The following ECT2 variants were observed in gnomAD, a reference collection of about 807,000 sequenced individuals.
ECT2 encodes the protein epithelial cell transforming 2.
In ECT2, 61 loss-of-function variants were observed where a neutral mutation model predicts 116.9. The observed-to-expected ratio is 0.52, with a 90% CI of 0.42 to 0.65. The LOEUF (loss-of-function observed/expected upper bound fraction) is 0.65. Ranked by LOEUF, ECT2 falls within the 30% of genes least tolerant of loss-of-function variation. The pLI is 0.00. For synonymous variants in ECT2, 358 were observed against 346.4 expected, an observed-to-expected ratio of 1.03 and a Z score of -0.37; for missense variants, 937 against 1,078.7, an observed-to-expected ratio of 0.87 and a Z score of 1.84.
Position 172,776,190 on chromosome 3 carries a change from A to C in ECT2, c.1548+2168A>C, listed in dbSNP as rs547273884. Among the ~76,000 whole-genome samples the C allele has an allele frequency of 1.2e-4, 14 of 113,532 alleles. No homozygotes were observed. The South Asian group carries it at 3.7e-3, about 30-fold the overall frequency. The allele number at this position is 113,532 out of a possible 152,430, so 74.5% of individuals were successfully genotyped here. A position where few individuals can be genotyped will look rare whatever the true frequency, so the allele number is the denominator to read the frequency against. ...ATGGTACTTCAACTATTAGTTTTTC[A>C]GTTTTTTCTTTTTTTTTTTTTTTTT... is the stretch of plus-strand genomic sequence containing the variant. On this transcript the variant is annotated intron_variant, in intron 14 of 24. Coordinates refer to ENST00000392692, the MANE Select transcript of ECT2 (RefSeq NM_001258315.2).
At chr3:172,783,973 T>A (rs1723165806) in intron 16 of ECT2, 64 bp downstream of exon 16, 2 of 1,138,004 alleles carry the variant, frequency 1.8e-6, no homozygotes, top group Non-Finnish European at 2.5e-6. Flanking sequence ...ACCACAATTA[T>A]GACAAAAATG....
intron 14 of ECT2, among the ~76,000 whole-genome samples, chr3:172,779,459 T>C (rs1475985961): frequency 1.3e-5 from 2 of 152,240 alleles, no homozygotes; most frequent in African/African-American, 4.8e-5. Context: ...GGATCCCTTT[T>C]CATTCTTAAA....
chr3:172,764,465 T>C lies in ECT2; in HGVS notation c.1256T>C (p.Ile419Thr), dbSNP rs759921723. The change falls in exon 12 of 25, where the codon ATC (isoleucine) becomes ACC (threonine). Residue 419 changes from isoleucine (I) to threonine (T), a missense_variant. Ile to Thr is a moderately conservative substitution (Grantham distance 89, BLOSUM62 -1). Transcript: ENST00000392692. ...HSLSIGSLLD[I>T]SNTPESSINY... ...CTTTCCATAGGGTCACTCCTAGATA[T>C]CTCCAACACACCAGAGTCTAGCATT... 7.4e-6 allele frequency: 12 copies of C among 1,613,978 alleles called. No individual in the cohort carries two copies. The highest frequency in any genetic ancestry group is 1.0e-5 in the Non-Finnish European group (12 of 1,180,004).
intron 20 of ECT2, 151 bp downstream of exon 20, chr3:172,803,131 T>A: frequency 3.1e-6 from 2 of 654,074 alleles, no homozygotes; most frequent in South Asian, 3.3e-5. Context: ...ATTTATGATT[T>A]AATACTGTTA....
At chr3:172,795,506 A>G (rs1383297313) in intron 18 of ECT2, among the ~76,000 whole-genome samples, 1 of 152,186 alleles carries the variant, frequency 6.6e-6, no homozygotes, top group African/African-American at 2.4e-5. Context: ...TTATTGATTT[A>G]ATAAAAACAG....
chr3:172,824,422 C>T (rs183074220), downstream of ECT2, among the ~76,000 whole-genome samples: 4 of 152,184 alleles, frequency 2.6e-5, no homozygotes, highest in African/African-American at 7.2e-5. Flanking sequence ...CACTTGTAAA[C>T]AATCAGATCT....
At chr3:172,771,940 G>A (rs1178586268) in intron 13 of ECT2, among the ~76,000 whole-genome samples, 1 of 152,118 alleles carries the variant, frequency 6.6e-6, no homozygotes, top group Admixed American at 6.5e-5. Context: ...TGAAATAACT[G>A]TTCGTGTTTT....
At position 172,820,639 on chromosome 3, in the gene ECT2, A is replaced by G. The variant is rs1382425263; in HGVS notation, c.*402A>G. 1 of 153,388 alleles carries G rather than the reference A, an allele frequency of 6.5e-6. No homozygotes were observed. The highest frequency in any genetic ancestry group is 2.4e-5 in the African/African-American group (1 of 41,490). The allele number at this position is 153,388 out of a possible 1,614,324, so 9.5% of individuals were successfully genotyped here. On this transcript the variant is annotated 3_prime_UTR_variant, in exon 25 of 25. Coordinates refer to ENST00000392692, the MANE Select transcript of ECT2 (RefSeq NM_001258315.2). ...TGGAAATAGATATTTGTGCAGCTCA[A>G]TTTATGCAGAGATTAAATGACATCA...
chr3:172,804,893 T>G (rs1727395650), intron 20 of ECT2, among the ~76,000 whole-genome samples: 2 of 28,514 alleles, frequency 7.0e-5, no homozygotes, highest in Admixed American at 5.6e-4. Flanking sequence ...ATCTATTGAT[T>G]TTTTTTTTGT....
intron 20 of ECT2, among the ~76,000 whole-genome samples, chr3:172,803,687 G>A (rs1429874509): frequency 6.6e-6 from 1 of 152,094 alleles, no homozygotes; most frequent in Non-Finnish European, 1.5e-5. Context: ...TGACTCATTT[G>A]ACTTTTCTGT....
At chr3:172,816,037 A>T (rs1729650636) in intron 23 of ECT2, among the ~76,000 whole-genome samples, 1 of 152,150 alleles carries the variant, frequency 6.6e-6, no homozygotes, top group South Asian at 2.1e-4. Flanking sequence ...CAAAGGGCAC[A>T]CGGTAGTCAG....
chr3:172,780,890 G>T (rs1722579551), intron 14 of ECT2, among the ~76,000 whole-genome samples: 1 of 151,940 alleles, frequency 6.6e-6, no homozygotes, highest in Non-Finnish European at 1.5e-5. Flanking sequence ...TTTTTGATTG[G>T]ATTGTCTTCT....
At chr3:172,776,198 CTTTTTTTTT>C (rs60558773) in intron 14 of ECT2, among the ~76,000 whole-genome samples, 8,115 of 111,726 alleles carry the variant, frequency 0.073, 512 homozygotes, top group African/African-American at 0.25. Flanking sequence ...TCAGTTTTTT[CTTTTTTTTT>C]TTTTTTTTTT....
intron 18 of ECT2, among the ~76,000 whole-genome samples, chr3:172,797,436 T>C (rs1484269048): frequency 2.0e-5 from 3 of 152,218 alleles, no homozygotes; most frequent in Non-Finnish European, 4.4e-5. Flanking sequence ...TTGATAACTC[T>C]TTGCTTCAGC....
chr3:172,812,131 G>C (rs542827102), intron 22 of ECT2, among the ~76,000 whole-genome samples: 13 of 151,946 alleles, frequency 8.6e-5, no homozygotes, highest in Non-Finnish European at 1.9e-4. Context: ...TTGCAGACGT[G>C]CACGACCATG....
chr3:172,777,664 C>T (rs1413119117), intron 14 of ECT2, among the ~76,000 whole-genome samples: 1 of 152,090 alleles, frequency 6.6e-6, no homozygotes, highest in Admixed American at 6.6e-5. Flanking sequence ...TTTGGGAGGC[C>T]GAGGCAAGTG....
chr3:172,759,693 C>T (rs2108263359), intron 6 of ECT2, among the ~76,000 whole-genome samples: 1 of 152,252 alleles, frequency 6.6e-6, no homozygotes, highest in South Asian at 2.1e-4. Flanking sequence ...ATCCGCTTGC[C>T]TCGGCCTCCC....
Position 172,782,248 on chromosome 3 carries a change from T to C in ECT2, c.1617+17T>C, listed in dbSNP as rs1450394854. 2 of 1,417,044 alleles carry C rather than the reference T, an allele frequency of 1.4e-6. No homozygotes were observed. Among genetic ancestry groups the C allele is most frequent in the East Asian group, 2.4e-5 (1 of 42,014 alleles). The allele number at this position is 1,417,044 out of a possible 1,614,324, so 87.8% of individuals were successfully genotyped here. A position where few individuals can be genotyped will look rare whatever the true frequency, so the allele number is the denominator to read the frequency against. On this transcript the variant is annotated intron_variant, in intron 15 of 24. Transcript: ENST00000392692. The stretch of plus-strand genomic sequence containing the variant: ...CTGAAATATGTAAGTATTGTATTTC[T>C]TTTTTAAGTTTTCAGATTAAAATAT...
intron 11 of ECT2, among the ~76,000 whole-genome samples, chr3:172,763,829 G>C (rs1181837402): frequency 1.3e-5 from 2 of 152,204 alleles, no homozygotes; most frequent in African/African-American, 4.8e-5. Flanking sequence ...GTTCTCTTCA[G>C]AGTCTTTGAA....
Sources: gnomAD v4.1 joint callset for allele counts (sites outside exome capture counted in the v4.1 genomes callset) on GRCh38, gnomAD v4.1.1 for gene constraint, MANE v1.5 for transcripts, NCBI Gene and HGNC (gene_info 2026-07-23, HGNC 2026-07-21) for gene names.